Variants in PRKD1 observed in about 807,000 individuals in gnomAD.
The protein encoded by PRKD1 is serine/threonine-protein kinase D1.
A neutral mutation model predicts 95.9 loss-of-function variants in PRKD1; 63 were observed. The observed-to-expected ratio is 0.66, with a 90% CI of 0.54 to 0.81. The LOEUF is 0.81. Among genes scored for constraint, PRKD1 ranks in the 30% least tolerant of loss-of-function variants. The pLI, the probability that PRKD1 is intolerant of heterozygous loss-of-function variation, is 0.00. For synonymous variants in PRKD1, 425 were observed against 423.1 expected (o/e 1.00, Z -0.05); for missense variants, 1,048 against 1,165.3 (o/e 0.90, Z 1.47).
At chr14:29,863,253 CTCTT>C (rs1487797067) in intron 1 of PRKD1, among the ~76,000 whole-genome samples, 1 of 152,098 alleles carries the variant, frequency 6.6e-6, no homozygotes, top group African/African-American at 2.4e-5. Flanking sequence ...CAATATCATT[CTCTT>C]TGTCTTTTAA....
intron 1 of PRKD1, among the ~76,000 whole-genome samples, chr14:29,804,362 C>G (rs976922212): frequency 6.6e-6 from 1 of 152,076 alleles, no homozygotes; most frequent in Admixed American, 6.6e-5. Context: ...CACTTTTAGT[C>G]CTTTCTTGAG....
intron 2 of PRKD1, among the ~76,000 whole-genome samples, chr14:29,696,542 G>A (rs890918330): frequency 3.3e-5 from 5 of 152,082 alleles, no homozygotes; most frequent in Non-Finnish European, 5.9e-5. Context: ...AATTTCTAAA[G>A]TTAGATAGTG....
At chr14:29,632,461 T>C (rs1225999394) in intron 9 of PRKD1, among the ~76,000 whole-genome samples, 1 of 152,132 alleles carries the variant, frequency 6.6e-6, no homozygotes, top group Non-Finnish European at 1.5e-5. Context: ...TTTGTGAATA[T>C]TGACAAGCAT....
chr14:29,728,838 G>C (rs932426952), intron 1 of PRKD1, among the ~76,000 whole-genome samples: 22 of 152,092 alleles, frequency 1.4e-4, no homozygotes, highest in African/African-American at 5.1e-4. Flanking sequence ...TGTTTGAGCT[G>C]TATGTCTATC....
At chr14:29,674,642 A>C (rs567355686) in intron 2 of PRKD1, among the ~76,000 whole-genome samples, 1 of 152,224 alleles carries the variant, frequency 6.6e-6, no homozygotes, top group East Asian at 1.9e-4. Flanking sequence ...GGTCAAATCT[A>C]TTTTTCTTAG....
chr14:29,685,736 G>C (rs1000060173), intron 2 of PRKD1, among the ~76,000 whole-genome samples: 2 of 149,414 alleles, frequency 1.3e-5, no homozygotes, highest in Non-Finnish European at 3.0e-5. Flanking sequence ...ATCCTCATCT[G>C]TGTGTGTGTG....
Position 29,704,045 on chromosome 14 carries a change from T to C in PRKD1, c.403+21491A>G, listed in dbSNP as rs45477096. Among the ~76,000 whole-genome samples, 335 of 152,286 alleles carry C rather than the reference T, an allele frequency of 2.2e-3. 7 individuals are homozygous for C. In the East Asian group the frequency reaches 0.057, roughly 26 times the overall value. On this transcript the variant is annotated intron_variant, in intron 2 of 17. Coordinates refer to ENST00000331968, the MANE Select transcript of PRKD1 (RefSeq NM_002742.3). ...TGAATATCCTTATGATAGGTAATAC[T>C]GAATATTTCCACAAGAAATGTAAAC...
intron 13 of PRKD1, among the ~76,000 whole-genome samples, chr14:29,616,224 T>C (rs1878842777): frequency 2.0e-5 from 1 of 49,044 alleles, no homozygotes; most frequent in African/African-American, 8.2e-5. Context: ...AAGTGAGCCT[T>C]AGAAATCAAG....
At chr14:29,747,509 G>A (rs1409119246) in intron 1 of PRKD1, among the ~76,000 whole-genome samples, 1 of 152,076 alleles carries the variant, frequency 6.6e-6, no homozygotes, top group Non-Finnish European at 1.5e-5. Flanking sequence ...CATGTTCATA[G>A]CAGCACTATT....
chr14:29,676,177 G>GGTTTTTT (rs1555334424), intron 2 of PRKD1, among the ~76,000 whole-genome samples: 138 of 104,690 alleles, frequency 1.3e-3, no homozygotes, highest in African/African-American at 5.5e-3. Flanking sequence ...AGTTCATTAC[G>GGTTTTTT]TTTTTGTTTT....
chr14:29,723,672 T>TGC (rs1566562040), intron 2 of PRKD1, among the ~76,000 whole-genome samples: 2 of 100,582 alleles, frequency 2.0e-5, no homozygotes, highest in African/African-American at 6.5e-5. Context: ...TGAGTGTGCG[T>TGC]GTGTGTGTGT....
At chr14:29,671,238 A>T (rs1249904828) in intron 2 of PRKD1, among the ~76,000 whole-genome samples, 1 of 152,170 alleles carries the variant, frequency 6.6e-6, no homozygotes, top group African/African-American at 2.4e-5. Flanking sequence ...AATTAGGAAG[A>T]AAAGGGACTG....
At chr14:29,733,431 A>G (rs1382960464) in intron 1 of PRKD1, among the ~76,000 whole-genome samples, 3 of 152,102 alleles carry the variant, frequency 2.0e-5, no homozygotes, top group Non-Finnish European at 1.5e-5. Flanking sequence ...GTGATGTCTA[A>G]TCTGCCATTT....
chr14:29,892,438 C>CAA lies in PRKD1; in HGVS notation c.264+34809_264+34810dup, dbSNP rs201359274. On this transcript the variant is annotated intron_variant, in intron 1 of 17. Coordinates refer to ENST00000331968, the MANE Select transcript of PRKD1 (RefSeq NM_002742.3). ...TGAAATCATTTCATGGCCACCCATA[C>CAA]AAAAAAAAAAAAAAAACAGCATTAC... Among the ~76,000 whole-genome samples the CAA allele has an allele frequency of 7.6e-4, 100 of 131,684 alleles. 1 individual carries two copies. The highest frequency in any genetic ancestry group is 3.2e-3 in the Admixed American group (41 of 12,850). 86.4% of individuals were successfully genotyped at this position (131,684 alleles called of 152,430 possible).
At chr14:29,722,864 G>T (rs1037223171) in intron 2 of PRKD1, among the ~76,000 whole-genome samples, 1 of 152,142 alleles carries the variant, frequency 6.6e-6, no homozygotes, top group East Asian at 1.9e-4. Context: ...ATAATAAGTC[G>T]CATGCTATGT....
intron 4 of PRKD1, chr14:29,657,359 CTT>C (rs759540560): frequency 3.3e-5 from 5 of 152,306 alleles, no homozygotes; most frequent in Middle Eastern, 3.4e-3. Flanking sequence ...ATAGTTCACT[CTT>C]TTTCTTAACA....
At chr14:29,720,043 A>G (rs1251174916) in intron 2 of PRKD1, among the ~76,000 whole-genome samples, 1 of 152,210 alleles carries the variant, frequency 6.6e-6, no homozygotes, top group East Asian at 1.9e-4. Context: ...TCCAAAGTTA[A>G]AGGACCAGGA....
chr14:29,823,185 C>T (rs1451732570), intron 1 of PRKD1, among the ~76,000 whole-genome samples: 1 of 152,094 alleles, frequency 6.6e-6, no homozygotes, highest in Non-Finnish European at 1.5e-5. Flanking sequence ...CCTTGGCTTT[C>T]CATTTGATAC....
chr14:29,820,261 C>T (rs1890860598), intron 1 of PRKD1, among the ~76,000 whole-genome samples: 1 of 152,180 alleles, frequency 6.6e-6, no homozygotes, highest in South Asian at 2.1e-4. Context: ...TGTGCAGGCA[C>T]CAGGCTATGT....
Sources: gnomAD v4.1 joint callset for allele counts (sites outside exome capture counted in the v4.1 genomes callset) on GRCh38, gnomAD v4.1.1 for gene constraint, MANE v1.5 for transcripts, NCBI Gene and HGNC (gene_info 2026-07-23, HGNC 2026-07-21) for gene names.